Variants in WDR72 observed in about 807,000 individuals in gnomAD.
WDR72 encodes WD repeat-containing protein 72.
In WDR72, 120 loss-of-function variants were observed where a neutral mutation model predicts 124.2. The observed-to-expected ratio is 0.97, with a 90% CI of 0.83 to 1.12. The LOEUF is 1.12. Among genes scored for constraint, WDR72 ranks in the 50% most tolerant of loss-of-function variants. The pLI is 0.00. For synonymous variants in WDR72, 452 were observed against 441.7 expected (o/e 1.02, Z -0.29); for missense variants, 1,387 against 1,278.8 (o/e 1.08, Z -1.29).
At chr15:53,715,073 T>A in intron 5 of WDR72, 120 bp downstream of exon 5, 1 of 1,099,788 alleles carries the variant, frequency 9.1e-7, no homozygotes. Context: ...ATATCCTCAT[T>A]AACAGGTAAG....
chr15:53,545,602 G>C (rs1322400857), intron 18 of WDR72, among the ~76,000 whole-genome samples: 1 of 151,650 alleles, frequency 6.6e-6, no homozygotes. Context: ...CATAGGCATG[G>C]GGAAGGATTT....
Position 53,705,087 on chromosome 15 carries a change from C to A in WDR72, c.1249G>T (p.Asp417Tyr). The A allele has an allele frequency of 6.2e-7, 1 of 1,614,070 alleles. No individual in the cohort carries two copies. Among genetic ancestry groups the A allele is most frequent in the African/African-American group, 1.3e-5 (1 of 75,020 alleles). ...TCTTCACAGCCACATATTAGTTTAT[C>A]AAGACTTGGAATATACTCTGATGAA... ...VTSSEYIPSLDKLICGCEDGT... is the reference protein window; with the variant it reads ...VTSSEYIPSLYKLICGCEDGT... The change falls in exon 11 of 20, where the codon GAT becomes TAT. Residue 417 changes from aspartate to tyrosine, a missense_variant. By Grantham distance (160) the Asp-to-Tyr change is radical (BLOSUM62 -3). Transcript: ENST00000360509.
chr15:53,689,459 G>A lies in WDR72; in HGVS notation c.1765+10291C>T, dbSNP rs1043871902. ...ACATTTATGCAGCCAAAAAACACAT[G>A]AAAAAATGCTCATCATCTCTGGCCA... On this transcript the variant is annotated intron_variant, in intron 13 of 19. Transcript: ENST00000360509. Among the ~76,000 whole-genome samples, 202 of 149,326 alleles carry A rather than the reference G, an allele frequency of 1.4e-3. 2 individuals are homozygous for A. The highest frequency in any genetic ancestry group is 2.1e-3 in the Non-Finnish European group (143 of 67,898).
intron 19 of WDR72, among the ~76,000 whole-genome samples, chr15:53,519,051 A>G (rs1481482047): frequency 1.3e-5 from 2 of 151,712 alleles, no homozygotes; most frequent in Non-Finnish European, 2.9e-5. Flanking sequence ...AGCTGAAGCT[A>G]CTTTGGAGTG....
At chr15:53,747,409 T>C (rs2018668959) in intron 1 of WDR72, among the ~76,000 whole-genome samples, 1 of 152,200 alleles carries the variant, frequency 6.6e-6, no homozygotes, top group Non-Finnish European at 1.5e-5. Context: ...TACTGAGTAA[T>C]TAACTGCTAC....
In WDR72 at chr15:53,534,263, G is replaced by T. The variant is rs574291131; in HGVS notation, c.3149-10941C>A. On this transcript the variant is annotated intron_variant, in intron 18 of 19. Transcript: ENST00000360509. ...ATGACTGAAGAAGTCTACTTTATTTGCACTGAATGTTTATGTAGCATTGGG... is the reference window on the plus strand; with the variant it reads ...ATGACTGAAGAAGTCTACTTTATTTTCACTGAATGTTTATGTAGCATTGGG... Among the ~76,000 whole-genome samples the T allele has an allele frequency of 3.9e-5, 6 of 152,160 alleles. No individual in the cohort carries two copies. In the East Asian group the frequency reaches 1.2e-3, roughly 30 times the overall value.
intron 13 of WDR72, among the ~76,000 whole-genome samples, chr15:53,677,142 A>G (rs748402131): frequency 2.6e-5 from 4 of 151,946 alleles, no homozygotes; most frequent in African/African-American, 4.8e-5. Context: ...GGATGGTCTC[A>G]ATCTCCTGAC....
chr15:53,751,037 G>C (rs565367049), intron 1 of WDR72, among the ~76,000 whole-genome samples: 3 of 152,132 alleles, frequency 2.0e-5, no homozygotes, highest in Non-Finnish European at 4.4e-5. Flanking sequence ...GGGTTTAAAA[G>C]GATTGACTCC....
At chr15:53,680,369 A>G (rs2016338811) in intron 13 of WDR72, among the ~76,000 whole-genome samples, 1 of 152,212 alleles carries the variant, frequency 6.6e-6, no homozygotes, top group Non-Finnish European at 1.5e-5. Context: ...GTTTCTTTAC[A>G]CAATTATTGA....
rs774695862 is a variant in WDR72, at chr15:53,609,527, C to A, written c.2938G>T (p.Asp980Tyr). 1.2e-5 allele frequency: 20 copies of A among 1,613,320 alleles called. No homozygotes were observed. In the Admixed American group the frequency reaches 1.3e-4, roughly 11 times the overall value. ...TTATATCATACCTGCACAGACTGGTCTCTCCAACAGGAAATTAGCTTCAAA... is the reference window on the plus strand; with the variant it reads ...TTATATCATACCTGCACAGACTGGTATCTCCAACAGGAAATTAGCTTCAAA... ...SLLKLISCWR[D>Y]QSVQVTEAIQ... The change falls in exon 17 of 20, where the codon GAC becomes TAC. Residue 980 changes from aspartate to tyrosine, a missense_variant. Physicochemically the swap from Asp to Tyr is radical, Grantham distance 160 (BLOSUM62 -3). Coordinates refer to ENST00000360509, the MANE Select transcript of WDR72 (RefSeq NM_182758.4).
chr15:53,727,137 C>A (rs1016372521), intron 2 of WDR72, among the ~76,000 whole-genome samples: 4 of 150,152 alleles, frequency 2.7e-5, no homozygotes, highest in Non-Finnish European at 5.9e-5. Context: ...CATAGTGAAA[C>A]CCCATGTCTA....
chr15:53,754,750 G>C (rs558349916), intron 1 of WDR72, among the ~76,000 whole-genome samples: 1 of 152,196 alleles, frequency 6.6e-6, no homozygotes, highest in South Asian at 2.1e-4. Flanking sequence ...CACAATCAGA[G>C]AGAGCACAGC....
chr15:53,647,321 T>C (rs969501261), intron 14 of WDR72, among the ~76,000 whole-genome samples: 4 of 152,106 alleles, frequency 2.6e-5, no homozygotes, highest in Admixed American at 2.6e-4. Flanking sequence ...TACTTAAAAA[T>C]AGCCTTTCCT....
chr15:53,584,117 A>G (rs540785225), intron 18 of WDR72, among the ~76,000 whole-genome samples: 2 of 152,196 alleles, frequency 1.3e-5, no homozygotes, highest in East Asian at 3.9e-4. Flanking sequence ...GGAAAAATTG[A>G]CAATGAAACC....
chr15:53,748,701 T>C (rs2018703163), intron 1 of WDR72, among the ~76,000 whole-genome samples: 1 of 152,158 alleles, frequency 6.6e-6, no homozygotes, highest in African/African-American at 2.4e-5. Flanking sequence ...TACTTCAACA[T>C]TCCATCACTT....
At chr15:53,690,121 A>G (rs1339849552) in intron 13 of WDR72, among the ~76,000 whole-genome samples, 1 of 151,014 alleles carries the variant, frequency 6.6e-6, no homozygotes, top group Non-Finnish European at 1.5e-5. Context: ...ATGCTAGATG[A>G]CAAGTTAGTG....
At chr15:53,684,652 C>T (rs940992785) in intron 13 of WDR72, 2 of 155,546 alleles carry the variant, frequency 1.3e-5, no homozygotes, top group Non-Finnish European at 2.8e-5. Flanking sequence ...CGCCATTGCC[C>T]AGGCTTGATT....
At chr15:53,712,178 T>C (rs1010547320) in intron 7 of WDR72, among the ~76,000 whole-genome samples, 2 of 152,248 alleles carry the variant, frequency 1.3e-5, no homozygotes, top group Non-Finnish European at 2.9e-5. Context: ...ATTGTTATTA[T>C]GGTTTGTTAC....
intron 13 of WDR72, among the ~76,000 whole-genome samples, chr15:53,681,050 C>A (rs74015877): frequency 0.027 from 4,106 of 152,312 alleles, 99 homozygotes; most frequent in East Asian, 0.069. Context: ...CCTAGAAACA[C>A]AAAAGACCTT....
Sources: allele counts gnomAD v4.1 joint callset (sites outside exome capture counted in the v4.1 genomes callset), GRCh38; gene constraint gnomAD v4.1.1; transcripts MANE v1.5; gene names NCBI Gene and HGNC (gene_info 2026-07-23, HGNC 2026-07-21).